Variants in FAM81A observed in about 807,000 individuals in gnomAD.
FAM81A encodes the protein protein FAM81A.
In FAM81A, 19 loss-of-function variants were observed where a neutral mutation model predicts 46.7. The ratio of observed to expected loss-of-function variants is 0.41; its 90% CI spans 0.28 to 0.60. The LOEUF is 0.60. FAM81A is among the 20% of genes least tolerant of loss of function. The pLI is 0.34. For missense variants in FAM81A, 377 were observed against 453.5 expected (o/e 0.83, Z 1.53); for synonymous variants, 183 against 152.9 (o/e 1.20, Z -1.45).
At chr15:59,401,611 T>C in intron 1 of FAM81A, 1 of 904,990 alleles carries the variant, frequency 1.1e-6, no homozygotes, top group Non-Finnish European at 1.8e-6. Context: ...TTAATACTTC[T>C]GTTTCTCCCT....
chr15:59,422,664 G>C (rs576091407), intron 2 of FAM81A, among the ~76,000 whole-genome samples: 1 of 152,124 alleles, frequency 6.6e-6, no homozygotes, highest in South Asian at 2.1e-4. Flanking sequence ...TTTTAGTAGA[G>C]ACGGGGTTTC....
chr15:59,479,542 AG>A (rs1472655296), intron 3 of FAM81A, among the ~76,000 whole-genome samples: 39 of 117,042 alleles, frequency 3.3e-4, no homozygotes, highest in African/African-American at 1.2e-3. Flanking sequence ...AAAAAAAAAA[AG>A]GATGGTAAGG....
At chr15:59,417,196 GC>G (rs2081150318) in intron 2 of FAM81A, among the ~76,000 whole-genome samples, 1 of 152,156 alleles carries the variant, frequency 6.6e-6, no homozygotes, top group Admixed American at 6.5e-5. Context: ...ATGGATGCGT[GC>G]TGAATACCCA....
intron 2 of FAM81A, among the ~76,000 whole-genome samples, chr15:59,414,247 C>T (rs1262509074): frequency 6.6e-6 from 1 of 152,148 alleles, no homozygotes; most frequent in Non-Finnish European, 1.5e-5. Flanking sequence ...AGCCACCACA[C>T]CTGGCCCACA....
At chr15:59,438,172 C>A (rs1291140895), upstream of FAM81A, 2 of 146,262 alleles carry the variant, frequency 1.4e-5, no homozygotes, top group African/African-American at 4.9e-5. Flanking sequence ...CGGCGCTCCC[C>A]GCGGCGCGGG....
chr15:59,416,456 T>C (rs577081666), intron 2 of FAM81A, among the ~76,000 whole-genome samples: 1 of 152,346 alleles, frequency 6.6e-6, no homozygotes, highest in African/African-American at 2.4e-5. Flanking sequence ...ATTGCACGCT[T>C]CTCTGTGCTG....
intron 2 of FAM81A, among the ~76,000 whole-genome samples, chr15:59,417,087 T>C (rs2081149908): frequency 6.6e-6 from 1 of 152,108 alleles, no homozygotes; most frequent in African/African-American, 2.4e-5. Context: ...GACACTTCTG[T>C]GGTTGCCCTG....
intron 2 of FAM81A, among the ~76,000 whole-genome samples, chr15:59,405,729 A>C (rs2081091334): frequency 6.6e-6 from 1 of 152,176 alleles, no homozygotes; most frequent in South Asian, 2.1e-4. Flanking sequence ...CACTCCACAC[A>C]CAAGGAGAGA....
At chr15:59,424,194 C>A (rs1167892635) in intron 2 of FAM81A, among the ~76,000 whole-genome samples, 1 of 152,220 alleles carries the variant, frequency 6.6e-6, no homozygotes, top group East Asian at 1.9e-4. Context: ...TTTGACCCAG[C>A]TGACCAGAGG....
chr15:59,484,808 A>C (rs187116053), intron 3 of FAM81A, among the ~76,000 whole-genome samples: 54 of 152,262 alleles, frequency 3.5e-4, no homozygotes, highest in African/African-American at 1.2e-3. Context: ...AGGAGCACCA[A>C]GAAGTCTTTT....
rs148847365 is a variant in FAM81A, at chr15:59,480,349, T to G, written c.295-11922T>G. On this transcript the variant is annotated intron_variant, in intron 3 of 8. Transcript: ENST00000288228. ...CATGGAGAGCTGTTTCTTTCCTGGT[T>G]CCTGGCAACGCTGGCCTGTCTGGGG... Among the ~76,000 whole-genome samples the G allele has an allele frequency of 9.8e-5, 15 of 152,290 alleles. No individual in the cohort carries two copies. The East Asian group carries it at 2.5e-3, about 25-fold the overall frequency.
chr15:59,437,316 T>C (rs1305273273), upstream of FAM81A, among the ~76,000 whole-genome samples: 1 of 151,362 alleles, frequency 6.6e-6, no homozygotes, highest in Non-Finnish European at 1.5e-5. Context: ...TAAGTACCAG[T>C]ATCTGCGAAG....
At chr15:59,414,320 C>T (rs988616629) in intron 2 of FAM81A, among the ~76,000 whole-genome samples, 6 of 152,100 alleles carry the variant, frequency 3.9e-5, no homozygotes, top group South Asian at 2.1e-4. Flanking sequence ...CCTCACTCTC[C>T]GTGGGTTTCA....
chr15:59,413,342 C>T (rs62015016), intron 2 of FAM81A, among the ~76,000 whole-genome samples: 26,592 of 150,694 alleles, frequency 0.18, 2,936 homozygotes, highest in South Asian at 0.26. Context: ...GGTTGAGGTG[C>T]GAACGTAACT....
At chr15:59,400,611 T>C (rs1215302907) in intron 1 of FAM81A, among the ~76,000 whole-genome samples, 1 of 152,210 alleles carries the variant, frequency 6.6e-6, no homozygotes, top group Non-Finnish European at 1.5e-5. Flanking sequence ...TCCTGCTTCA[T>C]CAGGCGTCAT....
chr15:59,502,461 A>T (rs1043347586), intron 4 of FAM81A, among the ~76,000 whole-genome samples: 2 of 151,046 alleles, frequency 1.3e-5, no homozygotes, highest in Non-Finnish European at 2.9e-5. Context: ...TATTTTTAAC[A>T]TAAAAAAACC....
chr15:59,412,255 T>C (rs776372898), intron 2 of FAM81A, among the ~76,000 whole-genome samples: 46 of 152,124 alleles, frequency 3.0e-4, no homozygotes, highest in Non-Finnish European at 2.9e-4. Flanking sequence ...TGGGGCAGTT[T>C]AGTGTTTATG....
chr15:59,417,325 G>T (rs1290021723), intron 2 of FAM81A, among the ~76,000 whole-genome samples: 1 of 151,912 alleles, frequency 6.6e-6, no homozygotes, highest in Non-Finnish European at 1.5e-5. Context: ...TTTTCTTAAT[G>T]TTGCCTCCCC....
chr15:59,459,514 CAT>C (rs1260853042), intron 2 of FAM81A, among the ~76,000 whole-genome samples: 13 of 152,238 alleles, frequency 8.5e-5, no homozygotes, highest in African/African-American at 2.6e-4. Flanking sequence ...CCTATTGCCT[CAT>C]ATGTAGTATG....
Sources: allele counts gnomAD v4.1 joint callset (sites outside exome capture counted in the v4.1 genomes callset), GRCh38; gene constraint gnomAD v4.1.1; transcripts MANE v1.5; gene names NCBI Gene and HGNC (gene_info 2026-07-23, HGNC 2026-07-21).